Variants in TSPAN7 observed in about 807,000 individuals in gnomAD.
The protein encoded by TSPAN7 is tetraspanin-7.
TSPAN7 carries 1 observed loss-of-function variant against 17.6 expected under a neutral mutation model. The observed-to-expected ratio is 0.06, with a 90% CI of 0.02 to 0.27. The LOEUF (loss-of-function observed/expected upper bound fraction) is 0.27. Among genes scored for constraint, TSPAN7 ranks in the 10% least tolerant of loss-of-function variants. TSPAN7 has a pLI of 1.00. For missense variants in TSPAN7, 112 were observed against 201.7 expected (o/e 0.56, Z 2.69); for synonymous variants, 78 against 79.0 (o/e 0.99, Z 0.07).
chrX:38,609,641 CAT>C (rs761607435), intron 1 of TSPAN7, among the ~76,000 whole-genome samples: 7 of 107,164 alleles, frequency 6.5e-5, no homozygotes, highest in Non-Finnish European at 9.6e-5. Flanking sequence ...TATATATATA[CAT>C]ATATATATGT....
intron 1 of TSPAN7, among the ~76,000 whole-genome samples, chrX:38,613,561 C>T (rs772104532): frequency 9.0e-5 from 10 of 111,276 alleles, no homozygotes; most frequent in Non-Finnish European, 1.9e-4. Flanking sequence ...AGATCTTTCA[C>T]CTTGGGTTAT....
chrX:38,648,917 C>CAA (rs781037449), intron 1 of TSPAN7, among the ~76,000 whole-genome samples: 17 of 49,345 alleles, frequency 3.4e-4, no homozygotes, highest in South Asian at 9.1e-4. Flanking sequence ...AACTCTGTCT[C>CAA]AAAAAAAAAA....
At chrX:38,674,382 C>T in intron 4 of TSPAN7, 66 bp downstream of exon 4, 1 of 1,003,034 alleles carries the variant, frequency 1.0e-6, no homozygotes, top group Non-Finnish European at 1.4e-6. Context: ...TATGGACTGC[C>T]TGTAGGTTGG....
rs188611713 is a variant in TSPAN7, at chrX:38,653,118, G to A, written c.82-13003G>A. ...TTATTTGCTTTGTGACTTTGAGCAC[G>A]TTGCTGAAAGTCAACAACCGAAAGC... On this transcript the variant is annotated intron_variant, in intron 1 of 7. Coordinates refer to ENST00000378482, the MANE Select transcript of TSPAN7 (RefSeq NM_004615.4). Among the ~76,000 whole-genome samples the A allele has an allele frequency of 1.1e-4, 12 of 112,145 alleles. No homozygotes were observed. In the East Asian group the frequency reaches 3.1e-3, roughly 29 times the overall value.
chrX:38,609,951 C>G (rs966286227), intron 1 of TSPAN7, among the ~76,000 whole-genome samples: 2 of 110,096 alleles, frequency 1.8e-5, no homozygotes, highest in Non-Finnish European at 1.9e-5. Flanking sequence ...AAAAATGCCC[C>G]TTTGGCCAGA....
At chrX:38,641,506 G>A (rs1485010876) in intron 1 of TSPAN7, among the ~76,000 whole-genome samples, 1 of 111,623 alleles carries the variant, frequency 9.0e-6, no homozygotes, top group East Asian at 2.8e-4. Context: ...TCTCTGTGAT[G>A]CCCTTCTCTG....
At chrX:38,576,049 T>C (rs1459559103) in intron 1 of TSPAN7, among the ~76,000 whole-genome samples, 1 of 112,086 alleles carries the variant, frequency 8.9e-6, no homozygotes, top group Non-Finnish European at 1.9e-5. Flanking sequence ...TTGTGGGCCA[T>C]ATAGTCTCTG....
chrX:38,567,741 A>T (rs2069150917), intron 1 of TSPAN7, among the ~76,000 whole-genome samples: 1 of 111,956 alleles, frequency 8.9e-6, no homozygotes, highest in Non-Finnish European at 1.9e-5. Context: ...TCAACTTTTC[A>T]GTTTTAGATG....
chrX:38,596,822 A>G (rs895249092), intron 1 of TSPAN7, among the ~76,000 whole-genome samples: 1 of 111,542 alleles, frequency 9.0e-6, no homozygotes, highest in Non-Finnish European at 1.9e-5. Context: ...GGTCCTTTTC[A>G]TTCTTTTTTT....
At chrX:38,574,313 A>G (rs1375014072) in intron 1 of TSPAN7, among the ~76,000 whole-genome samples, 2 of 112,370 alleles carry the variant, frequency 1.8e-5, no homozygotes, top group African/African-American at 6.5e-5. Context: ...TTACAGATGT[A>G]GTTGTTGTAA....
At chrX:38,646,263 AAG>A (rs1434541122) in intron 1 of TSPAN7, 8 of 1,152,554 alleles carry the variant, frequency 6.9e-6, no homozygotes, top group Non-Finnish European at 9.2e-6. Flanking sequence ...TCATAAAAGA[AAG>A]AAAAGGCTGC....
At chrX:38,628,169 C>T (rs2069531535) in intron 1 of TSPAN7, among the ~76,000 whole-genome samples, 1 of 112,534 alleles carries the variant, frequency 8.9e-6, no homozygotes, top group Admixed American at 9.3e-5. Flanking sequence ...ATACCCCCCT[C>T]CACAATGCCC....
At chrX:38,660,801 T>C (rs1187542363) in intron 1 of TSPAN7, among the ~76,000 whole-genome samples, 5 of 112,199 alleles carry the variant, frequency 4.5e-5, no homozygotes, top group Non-Finnish European at 9.4e-5. Context: ...TTTGATAGCT[T>C]GTACCTCTGT....
At chrX:38,602,342 G>T (rs2069351094) in intron 1 of TSPAN7, among the ~76,000 whole-genome samples, 1 of 111,128 alleles carries the variant, frequency 9.0e-6, no homozygotes, top group Non-Finnish European at 1.9e-5. Context: ...CAAAGGCAAT[G>T]AATAAATATA....
intron 1 of TSPAN7, among the ~76,000 whole-genome samples, chrX:38,594,467 A>G (rs1235662008): frequency 9.0e-6 from 1 of 111,620 alleles, no homozygotes; most frequent in Non-Finnish European, 1.9e-5. Flanking sequence ...AAAACAGTAT[A>G]CACAGAAGTG....
At chrX:38,653,483 T>G (rs377539805) in intron 1 of TSPAN7, among the ~76,000 whole-genome samples, 25 of 111,955 alleles carry the variant, frequency 2.2e-4, no homozygotes, top group African/African-American at 7.8e-4. Flanking sequence ...TACTTAAGTT[T>G]CTTAAGCTTT....
intron 1 of TSPAN7, among the ~76,000 whole-genome samples, chrX:38,583,552 C>A (rs978217428): frequency 2.7e-5 from 3 of 111,861 alleles, no homozygotes; most frequent in African/African-American, 9.7e-5. Context: ...GGAAAATAGA[C>A]AATAAACAAG....
At chrX:38,662,967 TTG>T (rs772165125) in intron 1 of TSPAN7, among the ~76,000 whole-genome samples, 21 of 110,596 alleles carry the variant, frequency 1.9e-4, no homozygotes, top group Admixed American at 1.8e-3. Flanking sequence ...GTTCATAGTA[TTG>T]TGTTTGTTTG....
chrX:38,624,661 G>T (rs977353729), intron 1 of TSPAN7, among the ~76,000 whole-genome samples: 1 of 112,272 alleles, frequency 8.9e-6, no homozygotes, highest in East Asian at 2.8e-4. Context: ...GAATTGTCTC[G>T]CCCAATTATA....
Sources: allele counts gnomAD v4.1 joint callset (sites outside exome capture counted in the v4.1 genomes callset), GRCh38; gene constraint gnomAD v4.1.1; transcripts MANE v1.5; gene names NCBI Gene and HGNC (gene_info 2026-07-23, HGNC 2026-07-21).